DOP1B: variants seen among roughly 807,000 people sequenced by gnomAD.
DOP1B encodes the protein protein DOP1B.
Under a neutral mutation model 233.5 loss-of-function variants are expected in DOP1B, and 174 were observed. The ratio of observed to expected loss-of-function variants is 0.75; its 90% CI spans 0.66 to 0.85. The LOEUF is 0.85. Ranked by LOEUF, DOP1B falls within the 40% of genes least tolerant of loss-of-function variation. DOP1B has a pLI of 0.00. For synonymous variants in DOP1B, 1,190 were observed against 1,185.6 expected, an observed-to-expected ratio of 1.00 and a Z score of -0.08; for missense variants, 2,652 against 2,846.6, an observed-to-expected ratio of 0.93 and a Z score of 1.56.
chr21:36,284,160 G>C (rs1375106181), intron 32 of DOP1B, among the ~76,000 whole-genome samples: 1 of 151,508 alleles, frequency 6.6e-6, no homozygotes, highest in African/African-American at 2.4e-5. Flanking sequence ...ATGTTGACCA[G>C]GCTGATTTCA....
chr21:36,286,168 G>C (rs572299741), intron 32 of DOP1B, among the ~76,000 whole-genome samples: 1 of 152,258 alleles, frequency 6.6e-6, no homozygotes, highest in South Asian at 2.1e-4. Flanking sequence ...AGTGACATCA[G>C]TCTTACGTCT....
At chr21:36,161,499 G>A (rs906966324) in intron 1 of DOP1B, among the ~76,000 whole-genome samples, 4 of 152,068 alleles carry the variant, frequency 2.6e-5, no homozygotes, top group African/African-American at 9.7e-5. Flanking sequence ...ATTCATTCAA[G>A]TGTATAATTC....
At chr21:36,169,078 A>T (rs572303091) in intron 2 of DOP1B, 54 of 865,418 alleles carry the variant, frequency 6.2e-5, no homozygotes, top group South Asian at 4.8e-4. Context: ...AGGTGGTGTC[A>T]GTGAACTTAA....
chr21:36,204,145 G>A (rs925540584), intron 4 of DOP1B, among the ~76,000 whole-genome samples: 1 of 152,174 alleles, frequency 6.6e-6, no homozygotes, highest in Non-Finnish European at 1.5e-5. Context: ...TGGGGGTGGG[G>A]AGGGTGCTAC....
At chr21:36,195,340 CAAAAAA>C (rs60003046) in intron 2 of DOP1B, among the ~76,000 whole-genome samples, 267 of 84,122 alleles carry the variant, frequency 3.2e-3, no homozygotes, top group African/African-American at 0.011. Context: ...GACTCTGGCT[CAAAAAA>C]AAAAAAAAAA....
intron 5 of DOP1B, among the ~76,000 whole-genome samples, chr21:36,209,756 A>G (rs2066471533): frequency 6.6e-6 from 1 of 152,058 alleles, no homozygotes; most frequent in African/African-American, 2.4e-5. Context: ...AACCTCCCAG[A>G]TCTTTGTCTC....
At position 36,278,006 on chromosome 21, in the gene DOP1B, G is replaced by A. The variant is rs752740959; in HGVS notation, c.5744G>A (p.Arg1915Gln). Reference protein sequence around the residue: ...VLASLLDMVYRSDEKEKAVPL... With the variant: ...VLASLLDMVYQSDEKEKAVPL... Reference sequence around the variant, plus strand: ...GCTTCCCTCCTGGACATGGTTTATCGAAGTGATGAGAAGGAGAAAGCTGTG... The same window carrying A: ...GCTTCCCTCCTGGACATGGTTTATCAAAGTGATGAGAAGGAGAAAGCTGTG... Residue 1915 changes from arginine (R) to glutamine (Q), a missense_variant, in exon 29 of 37, where the codon CGA becomes CAA. Transcript: ENST00000691173. 1.1e-5 allele frequency: 18 copies of A among 1,614,018 alleles called. No homozygotes were observed. The highest frequency in any genetic ancestry group is 4.5e-5 in the East Asian group (2 of 44,888).
rs75860246 is a variant in DOP1B, at chr21:36,257,484, T to C, written c.5260-3193T>C. 5.7e-3 allele frequency among the ~76,000 whole-genome samples: 874 copies of C among 152,326 alleles called. 11 individuals carry two copies. Among genetic ancestry groups the C allele is most frequent in the African/African-American group, 0.02 (838 of 41,562 alleles). ...GACCCTCTCCAGAATGAGGGTCTTATGAACCGTAGTCAGATTAGAGTCCTG... is the reference window on the plus strand; with the variant it reads ...GACCCTCTCCAGAATGAGGGTCTTACGAACCGTAGTCAGATTAGAGTCCTG... On this transcript the variant is annotated intron_variant, in intron 23 of 36. Coordinates refer to ENST00000691173, the MANE Select transcript of DOP1B (RefSeq NM_001320714.2).
chr21:36,268,656 C>T (rs749293696), intron 26 of DOP1B, among the ~76,000 whole-genome samples: 12 of 152,196 alleles, frequency 7.9e-5, no homozygotes, highest in African/African-American at 1.9e-4. Context: ...TCCTTTGCTG[C>T]GGCTCCAGTC....
At chr21:36,160,947 C>T (rs886979447) in intron 1 of DOP1B, among the ~76,000 whole-genome samples, 2 of 152,030 alleles carry the variant, frequency 1.3e-5, no homozygotes, top group South Asian at 2.1e-4. Context: ...TGCGGTGTGG[C>T]GATGGAGAGC....
chr21:36,238,738 C>A, intron 17 of DOP1B, 37 bp downstream of exon 17: 3 of 1,601,398 alleles, frequency 1.9e-6, no homozygotes, highest in Non-Finnish European at 2.6e-6. Context: ...CGTTAACTCA[C>A]GAGGAAACTC....
At chr21:36,240,375 G>A (rs112808143) in intron 18 of DOP1B, among the ~76,000 whole-genome samples, 11,356 of 152,180 alleles carry the variant, frequency 0.075, 683 homozygotes, top group African/African-American at 0.17. Flanking sequence ...AGCTACTCAG[G>A]AGGCTGAGGC....
chr21:36,283,023 G>GT (rs760141990), intron 32 of DOP1B, among the ~76,000 whole-genome samples: 1,711 of 138,148 alleles, frequency 0.012, 24 homozygotes, highest in African/African-American at 0.034. Context: ...GATTGTCAGG[G>GT]TTTTTTTTTT....
intron 17 of DOP1B, among the ~76,000 whole-genome samples, chr21:36,239,075 C>A (rs1175752325): frequency 6.6e-6 from 1 of 152,156 alleles, no homozygotes; most frequent in Admixed American, 6.5e-5. Context: ...TCCACTCCAG[C>A]CTGGGTGACA....
Position 36,230,905 on chromosome 21 carries a change from C to T in DOP1B, c.2121C>T (p.Phe707=), listed in dbSNP as rs768343372. Residue 707 remains phenylalanine (F), a synonymous_variant, in exon 14 of 37, where the codon TTC becomes TTT. Coordinates refer to ENST00000691173, the MANE Select transcript of DOP1B (RefSeq NM_001320714.2). ...TGTTCACAGCACGAGGGTCTCCATTCAAGACAAAAAGTTCAGAGTCACCAT... is the reference window on the plus strand; with the variant it reads ...TGTTCACAGCACGAGGGTCTCCATTTAAGACAAAAAGTTCAGAGTCACCAT... ...SDLFTARGSP[F]KTKSSESPSS... The T allele has an allele frequency of 3.7e-6, 6 of 1,614,120 alleles. No individual in the cohort carries two copies. In the South Asian group the frequency reaches 6.6e-5, roughly 18 times the overall value.
At position 36,171,290 on chromosome 21, in the gene DOP1B, G is replaced by A. The variant is rs139134357; in HGVS notation, c.138+6419G>A. Among the ~76,000 whole-genome samples, 9 of 152,308 alleles carry A rather than the reference G, an allele frequency of 5.9e-5. No individual in the cohort carries two copies. The East Asian group carries it at 1.7e-3, about 29-fold the overall frequency. ...TGTCTCCATCACCCAAATGCAGTAG[G>A]CGCAATTATTAGGCCCATTTTACCG... On this transcript the variant is annotated intron_variant, in intron 2 of 36. Transcript: ENST00000691173.
At position 36,176,097 on chromosome 21, in the gene DOP1B, CGTGTGTGTGT is replaced by C. The variant is rs1555886143; in HGVS notation, c.138+11242_138+11251del. 3.5e-5 allele frequency among the ~76,000 whole-genome samples: 5 copies of C among 141,848 alleles called. No homozygotes were observed. The East Asian group carries it at 1.0e-3, about 30-fold the overall frequency. The allele number at this position is 141,848 out of a possible 152,430, so 93.1% of individuals were successfully genotyped here. Reference sequence around the variant, plus strand: ...GAGCTTCGACTTTGGGGTGTGTGTGCGTGTGTGTGTGTGTGTGTGTGTGTGGTGATACAGT... The same window carrying C: ...GAGCTTCGACTTTGGGGTGTGTGTGCGTGTGTGTGTGTGTGGTGATACAGT... On this transcript the variant is annotated intron_variant, in intron 2 of 36. Coordinates refer to ENST00000691173, the MANE Select transcript of DOP1B (RefSeq NM_001320714.2).
chr21:36,286,808 C>CA (rs895141755), intron 32 of DOP1B, among the ~76,000 whole-genome samples: 7 of 151,878 alleles, frequency 4.6e-5, no homozygotes, highest in Non-Finnish European at 8.8e-5. Flanking sequence ...ACTAAAAATA[C>CA]AAAAAATTAG....
chr21:36,204,075 G>A (rs1250776800), intron 4 of DOP1B, among the ~76,000 whole-genome samples: 1 of 152,138 alleles, frequency 6.6e-6, no homozygotes, highest in African/African-American at 2.4e-5. Flanking sequence ...CAATGTAGTA[G>A]TAATTTTGCC....
Sources: gnomAD v4.1 joint callset for allele counts (sites outside exome capture counted in the v4.1 genomes callset) on GRCh38, gnomAD v4.1.1 for gene constraint, MANE v1.5 for transcripts, NCBI Gene and HGNC (gene_info 2026-07-23, HGNC 2026-07-21) for gene names.